The following VPS35L variants were observed in gnomAD, a reference collection of about 807,000 sequenced individuals.
VPS35L encodes the protein VPS35 endosomal protein-sorting factor-like.
Under a neutral mutation model 133.0 loss-of-function variants are expected in VPS35L, and 83 were observed. The ratio of observed to expected loss-of-function variants is 0.62; its 90% CI spans 0.52 to 0.75. The LOEUF (loss-of-function observed/expected upper bound fraction) is 0.75. VPS35L is among the 30% of genes least tolerant of loss of function. VPS35L has a pLI of 0.00. For missense variants in VPS35L, 1,083 were observed against 1,206.8 expected (o/e 0.90, Z 1.52); for synonymous variants, 423 against 449.9 (o/e 0.94, Z 0.76).
chr16:19,578,330 C>T (rs542128234), intron 5 of VPS35L: 148 of 442,322 alleles, frequency 3.3e-4, no homozygotes, highest in African/African-American at 2.8e-3. Context: ...GCCGAGATCG[C>T]GCCACCGCAC....
In VPS35L at chr16:19,699,027, G is replaced by A. The variant is rs1320401362; in HGVS notation, c.2647-475G>A. Among the ~76,000 whole-genome samples the A allele has an allele frequency of 6.6e-6, 1 of 152,146 alleles. No individual in the cohort carries two copies. Among genetic ancestry groups the A allele is most frequent in the Non-Finnish European group, 1.5e-5 (1 of 68,030 alleles). On this transcript the variant is annotated intron_variant, in intron 29 of 30. Transcript: ENST00000417362. This position sits in a 1 kb window ranked among gnomAD's most constrained non-coding sequence, Gnocchi z 4.2. Reference sequence around the variant, plus strand: ...GGCTGGATATGGGCACCAAGGATTGGGGAGCTCAGTTCGGGAGATGTGTTT... The same window carrying A: ...GGCTGGATATGGGCACCAAGGATTGAGGAGCTCAGTTCGGGAGATGTGTTT...
intron 19 of VPS35L, 147 bp from the exon 20 acceptor site, chr16:19,637,447 T>A (rs1048617511): frequency 3.6e-6 from 2 of 552,354 alleles, no homozygotes; most frequent in African/African-American, 3.8e-5. Context: ...AATCCAGGCT[T>A]ACCTTATTGT....
intron 5 of VPS35L, 48 bp from the exon 6 acceptor site, chr16:19,579,004 T>C (rs934838450): frequency 6.7e-7 from 1 of 1,503,690 alleles, no homozygotes; most frequent in African/African-American, 1.4e-5. Context: ...CTGGGGGTAT[T>C]GGTGCACGAG....
intron 8 of VPS35L, among the ~76,000 whole-genome samples, chr16:19,599,084 G>C (rs1212092893): frequency 6.6e-6 from 1 of 152,200 alleles, no homozygotes; most frequent in African/African-American, 2.4e-5. Context: ...AGGAAAGCTC[G>C]TTCTGCCAGG....
chr16:19,639,865 C>G lies in VPS35L; in HGVS notation c.1699-150C>G, dbSNP rs1418129627. 4 of 629,074 alleles carry G rather than the reference C, an allele frequency of 6.4e-6. No homozygotes were observed. Among genetic ancestry groups the G allele is most frequent in the Non-Finnish European group, 8.2e-6 (3 of 367,948 alleles). 39.0% of individuals were successfully genotyped at this position (629,074 alleles called of 1,614,324 possible). A position where few individuals can be genotyped will look rare whatever the true frequency, so the allele number is the denominator to read the frequency against. On this transcript the variant is annotated intron_variant, in intron 20 of 30. Transcript: ENST00000417362. The surrounding 1 kb of genome is among the most constrained non-coding windows in gnomAD (Gnocchi z 4.1). ...TTTTACAAGCCCAGTCAGGTCCTCTCCCTGATTTCAGAGGAGTCCTCATCT... is the reference window on the plus strand; with the variant it reads ...TTTTACAAGCCCAGTCAGGTCCTCTGCCTGATTTCAGAGGAGTCCTCATCT...
At chr16:19,682,001 C>G (rs1368131988) in intron 27 of VPS35L, among the ~76,000 whole-genome samples, 2 of 152,136 alleles carry the variant, frequency 1.3e-5, no homozygotes, top group East Asian at 1.9e-4. Context: ...TCTCAAAGCT[C>G]GTTTGCCCAG....
intron 26 of VPS35L, among the ~76,000 whole-genome samples, chr16:19,658,274 A>C (rs1304559298): frequency 6.6e-6 from 1 of 152,208 alleles, no homozygotes; most frequent in East Asian, 1.9e-4. Flanking sequence ...TCAGACCTGT[A>C]ATCCCAGCAC....
chr16:19,587,363 C>G (rs1481931757), intron 7 of VPS35L: 1 of 452,886 alleles, frequency 2.2e-6, no homozygotes, highest in Non-Finnish European at 4.4e-6. Context: ...GGCGTGGTGG[C>G]TCATGCCTGT....
At chr16:19,685,399 T>C (rs935531288) in intron 28 of VPS35L, among the ~76,000 whole-genome samples, 5 of 152,236 alleles carry the variant, frequency 3.3e-5, no homozygotes, top group Non-Finnish European at 5.9e-5. Context: ...ATAGTATTCC[T>C]TTGTGTGGAT....
intron 27 of VPS35L, among the ~76,000 whole-genome samples, chr16:19,669,673 CTTT>C (rs201351902): frequency 6.9e-6 from 1 of 145,526 alleles, no homozygotes; most frequent in Non-Finnish European, 1.5e-5. Flanking sequence ...TTCTGTCTCT[CTTT>C]TTTTTTTTTT....
chr16:19,662,328 A>C (rs962840252), intron 26 of VPS35L, among the ~76,000 whole-genome samples: 4 of 151,328 alleles, frequency 2.6e-5, no homozygotes, highest in Admixed American at 2.6e-4. Flanking sequence ...AACATGGTGA[A>C]ATGCCATCTC....
chr16:19,678,126 A>G (rs150706675), intron 27 of VPS35L, among the ~76,000 whole-genome samples: 6 of 152,306 alleles, frequency 3.9e-5, no homozygotes, highest in African/African-American at 1.4e-4. Flanking sequence ...GATTGGTGCA[A>G]AAGTAATTGT....
In VPS35L at chr16:19,583,586, G is replaced by A. The variant is rs1209920306; in HGVS notation, c.639+1933G>A. On this transcript the variant is annotated intron_variant, in intron 7 of 30. Coordinates refer to ENST00000417362, the MANE Select transcript of VPS35L (RefSeq NM_020314.7). ...AAAAATACACAATAAGCTGGGCCTCGTGGCACACCCCTGTAATCCCAGTTA... is the reference window on the plus strand; with the variant it reads ...AAAAATACACAATAAGCTGGGCCTCATGGCACACCCCTGTAATCCCAGTTA... 5.3e-5 allele frequency among the ~76,000 whole-genome samples: 8 copies of A among 151,918 alleles called. No individual in the cohort carries two copies. In the South Asian group the frequency reaches 1.0e-3, roughly 20 times the overall value.
intron 7 of VPS35L, among the ~76,000 whole-genome samples, chr16:19,584,439 C>T (rs1971800983): frequency 6.6e-6 from 1 of 151,942 alleles, no homozygotes. Flanking sequence ...CCAGCCTGGC[C>T]AACATGGTAA....
intron 27 of VPS35L, among the ~76,000 whole-genome samples, chr16:19,675,325 G>A (rs530351007): frequency 1.1e-4 from 17 of 150,822 alleles, no homozygotes; most frequent in African/African-American, 2.2e-4. Context: ...TCACTGCAGC[G>A]TGAGCCACTG....
chr16:19,648,995 C>A lies in VPS35L; in HGVS notation c.2028+1113C>A, dbSNP rs553276401. ...GAAAGAAAAATAATACTTTTTTTTC[C>A]TTTTCTTTTTGAGCTGGAGTTCTTG... is the stretch of plus-strand genomic sequence containing the variant. On this transcript the variant is annotated intron_variant, in intron 24 of 30. Transcript: ENST00000417362. Among the ~76,000 whole-genome samples, 157 of 149,962 alleles carry A rather than the reference C, an allele frequency of 1.0e-3. 1 individual carries two copies. The highest frequency in any genetic ancestry group is 3.7e-3 in the African/African-American group (152 of 40,940).
Position 19,700,556 on chromosome 16 carries a change from C to A in VPS35L, c.*80C>A. Reference sequence around the variant, plus strand: ...GCTCTGCTGCCCTGAACTCTTACGGCAATTTAGGTTTCTCATTTTTCTTTT... The same window carrying A: ...GCTCTGCTGCCCTGAACTCTTACGGAAATTTAGGTTTCTCATTTTTCTTTT... On this transcript the variant is annotated 3_prime_UTR_variant, in exon 31 of 31. Transcript: ENST00000417362. The A allele has an allele frequency of 8.4e-7, 1 of 1,186,516 alleles. No homozygotes were observed. Among genetic ancestry groups the A allele is most frequent in the Non-Finnish European group, 1.2e-6 (1 of 813,426 alleles). The allele number at this position is 1,186,516 out of a possible 1,614,324, so 73.5% of individuals were successfully genotyped here. A position where few individuals can be genotyped will look rare whatever the true frequency, so the allele number is the denominator to read the frequency against.
intron 26 of VPS35L, among the ~76,000 whole-genome samples, chr16:19,663,755 T>C (rs904363435): frequency 3.5e-5 from 5 of 142,908 alleles, no homozygotes; most frequent in Admixed American, 1.5e-4. Flanking sequence ...AGAGTTGATA[T>C]AAAGATATCT....
intron 7 of VPS35L, chr16:19,587,541 G>A (rs1971907300): frequency 8.4e-6 from 2 of 239,140 alleles, no homozygotes; most frequent in South Asian, 3.7e-5. Flanking sequence ...GGTTGAGGCA[G>A]GAGAATCACT....
Sources: allele counts gnomAD v4.1 joint callset (sites outside exome capture counted in the v4.1 genomes callset), GRCh38; gene constraint gnomAD v4.1.1; non-coding constraint Gnocchi (gnomAD v3.1); transcripts MANE v1.5; gene names NCBI Gene and HGNC (gene_info 2026-07-23, HGNC 2026-07-21).